Variants in NUBP1 observed in about 807,000 individuals in gnomAD.
The protein encoded by NUBP1 is NUBP iron-sulfur cluster assembly factor 1, cytosolic, also known as cytosolic Fe-S cluster assembly factor NUBP1.
A neutral mutation model predicts 41.8 loss-of-function variants in NUBP1; 46 were observed. The ratio of observed to expected loss-of-function variants is 1.10; its 90% CI spans 0.87 to 1.41. The LOEUF is 1.41. Among genes scored for constraint, NUBP1 ranks in the 40% most tolerant of loss-of-function variants. NUBP1 has a pLI of 0.00. For missense variants in NUBP1, 494 were observed against 414.0 expected, an observed-to-expected ratio of 1.19 and a Z score of -1.68; for synonymous variants, 189 against 154.6, an observed-to-expected ratio of 1.22 and a Z score of -1.65.
At chr16:10,756,863 A>T (rs1416815825) in intron 6 of NUBP1, 83 bp downstream of exon 6, 2 of 1,077,796 alleles carry the variant, frequency 1.9e-6, no homozygotes, top group African/African-American at 3.3e-5. Flanking sequence ...CTGTCCTGCC[A>T]GTCTCAGCCT....
intron 3 of NUBP1, among the ~76,000 whole-genome samples, chr16:10,748,182 C>T (rs1424607059): frequency 6.6e-6 from 1 of 152,158 alleles, no homozygotes; most frequent in Admixed American, 6.5e-5. Flanking sequence ...AACTTCTGAA[C>T]TCAAGGCGTC....
At chr16:10,758,775 G>A (rs1211763126) in intron 7 of NUBP1, among the ~76,000 whole-genome samples, 1 of 152,206 alleles carries the variant, frequency 6.6e-6, no homozygotes, top group African/African-American at 2.4e-5. Context: ...GCTGGGTGCA[G>A]ATAGGGATTT....
intron 4 of NUBP1, among the ~76,000 whole-genome samples, chr16:10,753,429 G>C (rs1025476455): frequency 6.6e-6 from 1 of 152,138 alleles, no homozygotes; most frequent in African/African-American, 2.4e-5. Context: ...TGGGCTGGGG[G>C]CAGGGCTGTA....
intron 9 of NUBP1, among the ~76,000 whole-genome samples, chr16:10,764,719 A>C (rs2030598480): frequency 6.8e-6 from 1 of 146,342 alleles, no homozygotes; most frequent in Admixed American, 7.0e-5. Context: ...CTGCTGGAGT[A>C]TGTCAGTCTG....
chr16:10,755,792 T>C (rs1393659253), intron 5 of NUBP1, 39 bp downstream of exon 5: 1 of 1,598,760 alleles, frequency 6.3e-7, no homozygotes, highest in East Asian at 2.2e-5. Context: ...CACAGTAGTG[T>C]GTGGTTGTGT....
At chr16:10,764,852 TG>T (rs1290792874) in intron 9 of NUBP1, among the ~76,000 whole-genome samples, 2 of 136,980 alleles carry the variant, frequency 1.5e-5, no homozygotes, top group Non-Finnish European at 3.2e-5. Context: ...AGCATCTGTC[TG>T]CTGGAGTATG....
rs267604406 is a variant in NUBP1 at position 10,761,787 on chromosome 16, G to A, written c.748G>A (p.Gly250Arg). Residue 250 changes from glycine to arginine, a missense_variant, in exon 9 of 11, where the codon GGG becomes AGG. Gly to Arg is a moderately radical substitution (Grantham distance 125). Transcript: ENST00000283027. ...ATCTCAGATATTCCCTCCCACAACC[G>A]GGGGCGCGGAGCTCATGTGCCAGGA... ...KESQIFPPTT[G>R]GAELMCQDLE... 12 of 1,613,570 alleles carry A rather than the reference G, an allele frequency of 7.4e-6. No individual in the cohort carries two copies. Among genetic ancestry groups the A allele is most frequent in the East Asian group, 4.5e-5 (2 of 44,872 alleles).
intron 9 of NUBP1, among the ~76,000 whole-genome samples, chr16:10,762,508 C>T (rs11641556): frequency 0.26 from 38,769 of 152,034 alleles, 6,220 homozygotes; most frequent in Middle Eastern, 0.44. Context: ...GGCCTACACT[C>T]GAAGCTGCTC....
In NUBP1 at chr16:10,757,171, C is replaced by G. The variant is rs575017477; in HGVS notation, c.451+391C>G. Among the ~76,000 whole-genome samples, 3 of 151,990 alleles carry G rather than the reference C, an allele frequency of 2.0e-5. No individual in the cohort carries two copies. The highest frequency in any genetic ancestry group is 4.4e-5 in the Non-Finnish European group (3 of 68,030). ...AAAAAATTAGCCGAGCATGGTGGCA[C>G]GTACCTGTAATCCCAGCTACTCGAG... On this transcript the variant is annotated intron_variant, in intron 6 of 10. Coordinates refer to ENST00000283027, the MANE Select transcript of NUBP1 (RefSeq NM_002484.4). The surrounding 1 kb of genome is among the most constrained non-coding windows in gnomAD (Gnocchi z 4.1).
chr16:10,758,163 C>G, intron 7 of NUBP1, 136 bp downstream of exon 7: 7 of 971,092 alleles, frequency 7.2e-6, no homozygotes, highest in Non-Finnish European at 1.0e-5. Flanking sequence ...TGATGTGGGT[C>G]TGCAGAAACC....
Position 10,767,433 on chromosome 16 carries a change from T to G in NUBP1, c.821-516T>G, listed in dbSNP as rs1567269901. ...CAAAGCAGCAGGCAGAATGTGTGTG[T>G]CATGTGCTCCCATTCGTATTTTAGG... On this transcript the variant is annotated intron_variant, in intron 9 of 10. Coordinates refer to ENST00000283027, the MANE Select transcript of NUBP1 (RefSeq NM_002484.4). This position sits in a 1 kb window ranked among gnomAD's most constrained non-coding sequence, Gnocchi z 4.6. 2.5e-6 allele frequency: 1 copy of G among 400,186 alleles called. No homozygotes were observed. Among genetic ancestry groups the G allele is most frequent in the Non-Finnish European group, 4.4e-6 (1 of 227,418 alleles). The allele number at this position is 400,186 out of a possible 1,614,324, so 24.8% of individuals were successfully genotyped here. A position where few individuals can be genotyped will look rare whatever the true frequency, so the allele number is the denominator to read the frequency against.
At chr16:10,743,905 G>C (rs1899921142) in intron 1 of NUBP1, 23 bp downstream of exon 1, 3 of 1,573,310 alleles carry the variant, frequency 1.9e-6, no homozygotes, top group South Asian at 1.2e-5. Flanking sequence ...AGGGGGCGTG[G>C]GTCGCGGGGC....
chr16:10,744,015 G>A lies in NUBP1; in HGVS notation c.74G>A (p.Cys25Tyr), dbSNP rs1236483401. Residue 25 changes from cysteine to tyrosine, a missense_variant, in exon 2 of 11, where the codon TGC (cysteine) becomes TAC (tyrosine). By Grantham distance (194) the Cys-to-Tyr change is radical. Transcript: ENST00000283027. Reference sequence around the variant, plus strand: ...GGCAGAGGGGCTTCATGTCAGGGATGCCCCAACCAGCGGCTGTGCGCTTCT... The same window carrying A: ...GGCAGAGGGGCTTCATGTCAGGGATACCCCAACCAGCGGCTGTGCGCTTCT... Reference protein sequence around the residue: ...QAGRGASCQGCPNQRLCASGA... With the variant: ...QAGRGASCQGYPNQRLCASGA... 1.3e-6 allele frequency: 2 copies of A among 1,580,328 alleles called. No individual in the cohort carries two copies. Among genetic ancestry groups the A allele is most frequent in the African/African-American group, 1.4e-5 (1 of 72,724 alleles).
chr16:10,761,709 G>A, intron 8 of NUBP1, 48 bp from the exon 9 acceptor site: 1 of 1,439,206 alleles, frequency 6.9e-7, no homozygotes, highest in Non-Finnish European at 9.7e-7. Context: ...CCATCCTTGT[G>A]ATTCTGCAAA....
rs1255327353 is a variant in NUBP1 at position 10,757,763 on chromosome 16, A to C, written c.452-110A>C. 7.3e-7 allele frequency: 1 copy of C among 1,377,342 alleles called. No homozygotes were observed. Among genetic ancestry groups the C allele is most frequent in the Non-Finnish European group, 9.9e-7 (1 of 1,006,278 alleles). The allele number at this position is 1,377,342 out of a possible 1,614,324, so 85.3% of individuals were successfully genotyped here. A position where few individuals can be genotyped will look rare whatever the true frequency, so the allele number is the denominator to read the frequency against. ...GGATTGCTTGAGCCTCAGAGTTAAG[A>C]GCCAACCTGGGCAACATAGCAAGAC... is the stretch of plus-strand genomic sequence containing the variant. On this transcript the variant is annotated intron_variant, in intron 6 of 10. Transcript: ENST00000283027. The surrounding 1 kb of genome is among the most constrained non-coding windows in gnomAD (Gnocchi z 4.1).
At position 10,762,931 on chromosome 16, in the gene NUBP1, G is replaced by C. The variant is rs373506917; in HGVS notation, c.820+1072G>C. Among the ~76,000 whole-genome samples, 879 of 150,888 alleles carry C rather than the reference G, an allele frequency of 5.8e-3. 11 individuals carry two copies. The highest frequency in any genetic ancestry group is 0.02 in the African/African-American group (834 of 41,416). On this transcript the variant is annotated intron_variant, in intron 9 of 10. Coordinates refer to ENST00000283027, the MANE Select transcript of NUBP1 (RefSeq NM_002484.4). ...GGGAGCCTGTGGGAAACGACTGTCA[G>C]TGTCATGTGCCTGGGAACAGGAGGC... is the stretch of plus-strand genomic sequence containing the variant.
chr16:10,755,137 A>G (rs760777584), intron 4 of NUBP1, among the ~76,000 whole-genome samples: 1 of 152,362 alleles, frequency 6.6e-6, no homozygotes, highest in Non-Finnish European at 1.5e-5. Context: ...CATATTGTCT[A>G]TGAATCATGT....
Position 10,761,355 on chromosome 16 carries a change from C to T in NUBP1, c.607-9C>T, listed in dbSNP as rs759050463. ...GATGCTGGAATCACTGGTCTTTTCACCTTCGTAGGAGGTGTCACTCCAGGA... is the reference window on the plus strand; with the variant it reads ...GATGCTGGAATCACTGGTCTTTTCATCTTCGTAGGAGGTGTCACTCCAGGA... On this transcript the variant is annotated splice_polypyrimidine_tract_variant and intron_variant, in intron 7 of 10. Transcript: ENST00000283027. 1.4e-5 allele frequency: 22 copies of T among 1,613,152 alleles called. No homozygotes were observed. The Middle Eastern group carries it at 9.9e-4, about 73-fold the overall frequency.
chr16:10,755,891 G>A (rs1194502466), intron 5 of NUBP1, 138 bp downstream of exon 5: 2 of 764,154 alleles, frequency 2.6e-6, no homozygotes, highest in Non-Finnish European at 4.4e-6. Context: ...ACCAGTGATT[G>A]GCAGGCTTTT....
Sources: gnomAD v4.1 joint callset for allele counts (sites outside exome capture counted in the v4.1 genomes callset) on GRCh38, gnomAD v4.1.1 for gene constraint, Gnocchi (gnomAD v3.1) non-coding constraint, MANE v1.5 for transcripts, NCBI Gene and HGNC (gene_info 2026-07-23, HGNC 2026-07-21) for gene names.